The following ATP6V1G1 variants were observed in gnomAD, a reference collection of about 807,000 sequenced individuals.
ATP6V1G1 encodes the protein V-type proton ATPase subunit G 1.
ATP6V1G1 carries 14 observed loss-of-function variants against 14.2 expected under a neutral mutation model. The observed-to-expected ratio is 0.99, with a 90% CI of 0.65 to 1.55. The LOEUF is 1.55. ATP6V1G1 is among the 40% of genes most tolerant of loss of function. The pLI, the probability that ATP6V1G1 is intolerant of heterozygous loss-of-function variation, is 0.00. For synonymous variants in ATP6V1G1, 65 were observed against 53.3 expected, an observed-to-expected ratio of 1.22 and a Z score of -0.96; for missense variants, 137 against 146.4, an observed-to-expected ratio of 0.94 and a Z score of 0.33.
rs2133562088 is a variant in ATP6V1G1 at position 114,598,392 on chromosome 9, T to C, written c.*649T>C. ...TCATGCATTTTTCCCCATTCTTTTTTTTTTCCCTGTCTCCGTGACAACCAG... is the reference window on the plus strand; with the variant it reads ...TCATGCATTTTTCCCCATTCTTTTTCTTTTCCCTGTCTCCGTGACAACCAG... On this transcript the variant is annotated 3_prime_UTR_variant, in exon 3 of 3. Coordinates refer to ENST00000374050, the MANE Select transcript of ATP6V1G1 (RefSeq NM_004888.4). 1 of 152,354 alleles carries C rather than the reference T, an allele frequency of 6.6e-6. No homozygotes were observed. The highest frequency in any genetic ancestry group is 2.1e-4 in the South Asian group (1 of 4,814). 9.4% of individuals were successfully genotyped at this position (152,354 alleles called of 1,614,324 possible). A position where few individuals can be genotyped will look rare whatever the true frequency, so the allele number is the denominator to read the frequency against.
chr9:114,597,716 C>A lies in ATP6V1G1; in HGVS notation c.330C>A (p.Ile110=), dbSNP rs560343317. ...TTGTCTGTGACATTCGGCCAGAAAT[C>A]CATGAAAACTACCGCATAAATGGAT... is the stretch of plus-strand genomic sequence containing the variant. ...LAFVCDIRPE[I]HENYRING The change falls in exon 3 of 3, where the codon ATC becomes ATA. Residue 110 remains isoleucine, a synonymous_variant. Coordinates refer to ENST00000374050, the MANE Select transcript of ATP6V1G1 (RefSeq NM_004888.4). 1.9e-6 allele frequency: 3 copies of A among 1,586,080 alleles called. No individual in the cohort carries two copies. Among genetic ancestry groups the A allele is most frequent in the South Asian group, 1.2e-5 (1 of 86,484 alleles).
At chr9:114,594,930 G>T (rs1270091454) in intron 2 of ATP6V1G1, among the ~76,000 whole-genome samples, 5 of 143,112 alleles carry the variant, frequency 3.5e-5, no homozygotes, top group African/African-American at 1.3e-4. Flanking sequence ...CGCGATCTTG[G>T]CTCACTGCAT....
intron 2 of ATP6V1G1, among the ~76,000 whole-genome samples, chr9:114,594,969 C>G (rs373465426): frequency 7.3e-5 from 11 of 149,680 alleles, no homozygotes; most frequent in African/African-American, 2.7e-4. Context: ...AAGTGATTCT[C>G]CTGCCTCAGC....
chr9:114,587,896 G>T lies in ATP6V1G1; in HGVS notation c.58G>T (p.Glu20Ter). 1 of 1,588,104 alleles carries T rather than the reference G, an allele frequency of 6.3e-7. No homozygotes were observed. Residue 20 changes from glutamate (E) to a stop codon, truncating the protein, a stop_gained, in exon 1 of 3, where the codon GAG becomes TAG. Coordinates refer to ENST00000374050, the MANE Select transcript of ATP6V1G1 (RefSeq NM_004888.4). LOFTEE classifies it high-confidence loss of function. Reference sequence around the variant, plus strand: ...GCTGCAGGCCGAGAAGCGGGCAGCCGAGAAGGTGTCCGAGGCCCGCAAAAG... The same window carrying T: ...GCTGCAGGCCGAGAAGCGGGCAGCCTAGAAGGTGTCCGAGGCCCGCAAAAG... The part of the protein sequence containing the change: ...QLLQAEKRAA[E>*]KVSEARKRKN...
At chr9:114,595,641 G>A (rs1369148861) in intron 2 of ATP6V1G1, among the ~76,000 whole-genome samples, 4 of 152,140 alleles carry the variant, frequency 2.6e-5, no homozygotes, top group African/African-American at 9.7e-5. Context: ...GCAACAGAGT[G>A]AGACTCCATC....
intron 2 of ATP6V1G1, among the ~76,000 whole-genome samples, chr9:114,595,544 CT>C (rs1845229367): frequency 6.6e-6 from 1 of 152,104 alleles, no homozygotes; most frequent in Non-Finnish European, 1.5e-5. Flanking sequence ...GTTCCAGCTA[CT>C]TGGGAGGCTC....
In ATP6V1G1 at chr9:114,598,765, G is replaced by A. The variant is rs191873230; in HGVS notation, c.*1022G>A. On this transcript the variant is annotated 3_prime_UTR_variant, in exon 3 of 3. Coordinates refer to ENST00000374050, the MANE Select transcript of ATP6V1G1 (RefSeq NM_004888.4). ...TAAATGTCCTGTGGCCATCTTAGCC[G>A]AAAGTCTTTGGTTGCAAAATCTTAT... Among the ~76,000 whole-genome samples the A allele has an allele frequency of 2.0e-5, 3 of 152,184 alleles. No homozygotes were observed. Among genetic ancestry groups the A allele is most frequent in the East Asian group, 1.9e-4 (1 of 5,184 alleles).
intron 1 of ATP6V1G1, among the ~76,000 whole-genome samples, chr9:114,589,549 G>A (rs4979439): frequency 0.37 from 55,530 of 152,052 alleles, 10,209 homozygotes; most frequent in Admixed American, 0.41. Flanking sequence ...TAGGGGTTGT[G>A]TGGTACTTGG....
intron 2 of ATP6V1G1, among the ~76,000 whole-genome samples, chr9:114,594,280 G>C (rs148349954): frequency 6.6e-6 from 1 of 151,890 alleles, no homozygotes; most frequent in Admixed American, 6.6e-5. Flanking sequence ...TGTTGGTCAG[G>C]CTTGTCTTGA....
intron 1 of ATP6V1G1, among the ~76,000 whole-genome samples, chr9:114,592,061 G>A (rs1421457057): frequency 1.3e-5 from 2 of 152,166 alleles, no homozygotes; most frequent in East Asian, 3.8e-4. Flanking sequence ...GACAGGGACT[G>A]CTTTTAGTTT....
At chr9:114,590,463 A>G (rs7871401) in intron 1 of ATP6V1G1, among the ~76,000 whole-genome samples, 54,532 of 151,620 alleles carry the variant, frequency 0.36, 9,893 homozygotes, top group Admixed American at 0.41. Flanking sequence ...ACATAAATAA[A>G]AAAATAAATT....
chr9:114,594,375 G>A lies in ATP6V1G1; in HGVS notation c.183+1723G>A, dbSNP rs374497016. Among the ~76,000 whole-genome samples, 823 of 146,292 alleles carry A rather than the reference G, an allele frequency of 5.6e-3. 5 individuals carry two copies. The highest frequency in any genetic ancestry group is 0.02 in the African/African-American group (784 of 39,668). ...TGAGCCACCGCGCCCAGCGCCCCCCGCCCCTTTTTTTTTTTTTTTCCTGTC... is the reference window on the plus strand; with the variant it reads ...TGAGCCACCGCGCCCAGCGCCCCCCACCCCTTTTTTTTTTTTTTTCCTGTC... On this transcript the variant is annotated intron_variant, in intron 2 of 2. Transcript: ENST00000374050.
At chr9:114,588,657 G>A (rs760427379) in intron 1 of ATP6V1G1, among the ~76,000 whole-genome samples, 1 of 152,028 alleles carries the variant, frequency 6.6e-6, no homozygotes, top group Non-Finnish European at 1.5e-5. Context: ...TTGCAGGAGA[G>A]ATGAGGGCTG....
At chr9:114,595,564 G>C (rs1473815516) in intron 2 of ATP6V1G1, among the ~76,000 whole-genome samples, 2 of 152,202 alleles carry the variant, frequency 1.3e-5, no homozygotes, top group Admixed American at 1.3e-4. Context: ...TCAGGTTGGA[G>C]GATGGCTTGA....
chr9:114,588,255 G>A (rs552678112), intron 1 of ATP6V1G1: 1 of 284,566 alleles, frequency 3.5e-6, no homozygotes, highest in East Asian at 6.5e-5. Flanking sequence ...TCGGTGAAGG[G>A]AGCCAGCATC....
intron 2 of ATP6V1G1, among the ~76,000 whole-genome samples, chr9:114,596,260 C>T (rs911033013): frequency 7.2e-5 from 11 of 151,874 alleles, no homozygotes; most frequent in Admixed American, 1.3e-4. Context: ...TGGTGGCTGG[C>T]GCCTGTAGTC....
At chr9:114,591,397 ATTG>A (rs1845180734) in intron 1 of ATP6V1G1, among the ~76,000 whole-genome samples, 1 of 152,164 alleles carries the variant, frequency 6.6e-6, no homozygotes, top group Non-Finnish European at 1.5e-5. Context: ...TTATTTATAG[ATTG>A]TTGGTTTCGA....
At chr9:114,588,433 G>C (rs1451639888) in intron 1 of ATP6V1G1, among the ~76,000 whole-genome samples, 1 of 148,820 alleles carries the variant, frequency 6.7e-6, no homozygotes, top group African/African-American at 2.5e-5. Flanking sequence ...TGTCTAAATC[G>C]TTGGCGTGTG....
At chr9:114,597,352 G>T (rs1845250291) in intron 2 of ATP6V1G1, among the ~76,000 whole-genome samples, 1 of 152,200 alleles carries the variant, frequency 6.6e-6, no homozygotes, top group Non-Finnish European at 1.5e-5. Flanking sequence ...TCCTAGCAGT[G>T]GGAATACTGT....
Sources: allele counts gnomAD v4.1 joint callset (sites outside exome capture counted in the v4.1 genomes callset), GRCh38; gene constraint gnomAD v4.1.1; transcripts MANE v1.5; gene names NCBI Gene and HGNC (gene_info 2026-07-23, HGNC 2026-07-21).